MAPKAP1: variants seen among roughly 807,000 people sequenced by gnomAD.
The protein encoded by MAPKAP1 is target of rapamycin complex 2 subunit MAPKAP1.
Under a neutral mutation model 65.7 loss-of-function variants are expected in MAPKAP1, and 20 were observed. The ratio of observed to expected loss-of-function variants is 0.30; its 90% confidence interval spans 0.21 to 0.44. The LOEUF is 0.44. Ranked by LOEUF, MAPKAP1 falls within the 20% of genes least tolerant of loss-of-function variation. MAPKAP1 has a pLI of 1.00. For synonymous variants in MAPKAP1, 222 were observed against 244.3 expected, an observed-to-expected ratio of 0.91 and a Z score of 0.85; for missense variants, 423 against 648.0, an observed-to-expected ratio of 0.65 and a Z score of 3.77.
chr9:125,622,001 A>T (rs1474670464), intron 4 of MAPKAP1, among the ~76,000 whole-genome samples: 1 of 152,186 alleles, frequency 6.6e-6, no homozygotes, highest in Admixed American at 6.5e-5. Context: ...ATGAGTCTGG[A>T]GGACATTATG....
chr9:125,438,772 T>G lies in MAPKAP1; in HGVS notation c.*115A>C. 2 of 1,429,118 alleles carry G rather than the reference T, an allele frequency of 1.4e-6. No homozygotes were observed. Among genetic ancestry groups the G allele is most frequent in the South Asian group, 1.3e-5 (1 of 76,806 alleles). 88.5% of individuals were successfully genotyped at this position (1,429,118 alleles called of 1,614,324 possible). ...CGAGAGCCCACCTGCCCTGTGCCAGTGAGCCAGGGGCTGGCCTCCCCCCGA... is the reference window on the plus strand; with the variant it reads ...CGAGAGCCCACCTGCCCTGTGCCAGGGAGCCAGGGGCTGGCCTCCCCCCGA... On this transcript the variant is annotated 3_prime_UTR_variant, in exon 12 of 12. Transcript: ENST00000265960.
At chr9:125,606,898 C>T (rs1306533025) in intron 4 of MAPKAP1, among the ~76,000 whole-genome samples, 1 of 152,106 alleles carries the variant, frequency 6.6e-6, no homozygotes, top group Non-Finnish European at 1.5e-5. Context: ...ATGTCTGAGA[C>T]GGCTCATGGG....
At chr9:125,534,651 TA>T (rs1226689120) in intron 7 of MAPKAP1, among the ~76,000 whole-genome samples, 1 of 152,232 alleles carries the variant, frequency 6.6e-6, no homozygotes, top group Non-Finnish European at 1.5e-5. Context: ...GAGTGTTTTC[TA>T]AGAGAAATTC....
intron 7 of MAPKAP1, among the ~76,000 whole-genome samples, chr9:125,536,361 G>A (rs938115514): frequency 1.3e-5 from 2 of 152,158 alleles, no homozygotes; most frequent in South Asian, 2.1e-4. Context: ...CTCCTTGCCC[G>A]GGGCACTTCT....
chr9:125,497,912 A>G (rs1030651889), intron 8 of MAPKAP1, among the ~76,000 whole-genome samples: 4 of 152,168 alleles, frequency 2.6e-5, no homozygotes, highest in African/African-American at 9.7e-5. Context: ...TGCATGGACT[A>G]CCTCCACATG....
intron 7 of MAPKAP1, among the ~76,000 whole-genome samples, chr9:125,530,643 T>C (rs1829908454): frequency 6.6e-6 from 1 of 152,186 alleles, no homozygotes; most frequent in South Asian, 2.1e-4. Context: ...GTAAAAAAAA[T>C]CATTTGAGTT....
At chr9:125,509,765 T>C (rs1829247106) in intron 7 of MAPKAP1, among the ~76,000 whole-genome samples, 1 of 152,118 alleles carries the variant, frequency 6.6e-6, no homozygotes. Flanking sequence ...TCAGGAGGAA[T>C]TTCAGGCCGG....
At chr9:125,543,795 T>C (rs1233507009) in intron 6 of MAPKAP1, among the ~76,000 whole-genome samples, 2 of 152,260 alleles carry the variant, frequency 1.3e-5, no homozygotes, top group African/African-American at 2.4e-5. Context: ...CATGGGTTCC[T>C]AGTGTTGGCT....
At chr9:125,478,693 G>A (rs763758627) in intron 9 of MAPKAP1, among the ~76,000 whole-genome samples, 4 of 152,110 alleles carry the variant, frequency 2.6e-5, no homozygotes, top group Non-Finnish European at 5.9e-5. Flanking sequence ...TGGGTCTGGC[G>A]TATGGGACTG....
intron 6 of MAPKAP1, among the ~76,000 whole-genome samples, chr9:125,544,900 G>A (rs568459341): frequency 6.6e-6 from 1 of 152,302 alleles, no homozygotes; most frequent in South Asian, 2.1e-4. Flanking sequence ...CAGGGGCTGG[G>A]GGCCGATCTC....
At chr9:125,502,677 T>A (rs1172398093) in intron 8 of MAPKAP1, among the ~76,000 whole-genome samples, 1 of 152,202 alleles carries the variant, frequency 6.6e-6, no homozygotes, top group African/African-American at 2.4e-5. Flanking sequence ...TCTTTTGATA[T>A]GTAAGATTTA....
chr9:125,485,343 TCA>T (rs763125649), intron 8 of MAPKAP1, among the ~76,000 whole-genome samples: 98 of 152,292 alleles, frequency 6.4e-4, no homozygotes, highest in Admixed American at 2.5e-3. Flanking sequence ...ATTCATTCAT[TCA>T]CCAAATGCTC....
At chr9:125,484,638 T>G in intron 8 of MAPKAP1, 55 bp from the exon 9 acceptor site, 11 of 1,533,912 alleles carry the variant, frequency 7.2e-6, no homozygotes, top group Non-Finnish European at 8.8e-6. Flanking sequence ...TGGCAAATGG[T>G]GTCTGCTTAA....
intron 4 of MAPKAP1, among the ~76,000 whole-genome samples, chr9:125,644,608 C>T (rs1056700274): frequency 6.6e-6 from 1 of 152,156 alleles, no homozygotes; most frequent in African/African-American, 2.4e-5. Context: ...AATAAGTGCT[C>T]TTTAAAGTCA....
At chr9:125,672,708 A>T in intron 1 of MAPKAP1, 65 bp from the exon 2 acceptor site, 2 of 1,000,854 alleles carry the variant, frequency 2.0e-6, no homozygotes, top group Non-Finnish European at 3.0e-6. Context: ...ATCATTTTTC[A>T]GACACATTCA....
At chr9:125,704,214 T>C (rs1239430853) in intron 1 of MAPKAP1, among the ~76,000 whole-genome samples, 3 of 152,170 alleles carry the variant, frequency 2.0e-5, no homozygotes, top group African/African-American at 7.2e-5. Flanking sequence ...GATAATCCCC[T>C]CTATCTTACA....
chr9:125,590,668 G>T (rs1831932081), intron 4 of MAPKAP1, among the ~76,000 whole-genome samples: 1 of 151,976 alleles, frequency 6.6e-6, no homozygotes, highest in Admixed American at 6.6e-5. Context: ...AAAAAGGGGG[G>T]CGGGGCATAG....
chr9:125,514,162 C>T (rs900227718), intron 7 of MAPKAP1, among the ~76,000 whole-genome samples: 2 of 152,152 alleles, frequency 1.3e-5, no homozygotes, highest in African/African-American at 4.8e-5. Context: ...TTCCCTCTTC[C>T]CTCTTCTTCA....
chr9:125,473,003 G>C (rs1248285319), intron 9 of MAPKAP1, among the ~76,000 whole-genome samples: 3 of 151,714 alleles, frequency 2.0e-5, no homozygotes, highest in Non-Finnish European at 4.4e-5. Context: ...GGAAGGATAA[G>C]TATGCTGAAG....
Sources: gnomAD v4.1 joint callset for allele counts (sites outside exome capture counted in the v4.1 genomes callset) on GRCh38, gnomAD v4.1.1 for gene constraint, MANE v1.5 for transcripts, NCBI Gene and HGNC (gene_info 2026-07-23, HGNC 2026-07-21) for gene names.